The following ELMO1 variants were observed in gnomAD, a reference collection of about 807,000 sequenced individuals.
ELMO1 encodes the protein engulfment and cell motility protein 1.
ELMO1 carries 26 observed loss-of-function variants against 98.9 expected under a neutral mutation model. That is an observed-to-expected ratio of 0.26 (90% CI 0.19 to 0.36). ELMO1 has a LOEUF of 0.36. ELMO1 is among the 10% of genes least tolerant of loss of function. ELMO1 has a pLI of 1.00. For synonymous variants in ELMO1, 346 were observed against 346.0 expected (o/e 1.00, Z 0.00); for missense variants, 627 against 935.2 (o/e 0.67, Z 4.30).
chr7:36,974,168 G>C (rs993222051), intron 16 of ELMO1, among the ~76,000 whole-genome samples: 5 of 152,264 alleles, frequency 3.3e-5, no homozygotes, highest in Admixed American at 6.5e-5. Flanking sequence ...TGCAGCCCCG[G>C]TGTGGTATCC....
At chr7:36,981,398 A>G (rs1175217246) in intron 16 of ELMO1, among the ~76,000 whole-genome samples, 1 of 152,012 alleles carries the variant, frequency 6.6e-6, no homozygotes, top group African/African-American at 2.4e-5. Context: ...GATATAGGAT[A>G]ATATCTGGTA....
At chr7:37,202,886 T>C (rs1792376876) in intron 13 of ELMO1, among the ~76,000 whole-genome samples, 1 of 152,154 alleles carries the variant, frequency 6.6e-6, no homozygotes, top group Admixed American at 6.5e-5. Flanking sequence ...GATGTCTCAG[T>C]GTTTTCCATC....
chr7:37,067,265 G>T (rs960169173), intron 15 of ELMO1, among the ~76,000 whole-genome samples: 1 of 152,192 alleles, frequency 6.6e-6, no homozygotes, highest in East Asian at 1.9e-4. Flanking sequence ...TGGTGCTAAG[G>T]TGCCCCATCA....
At chr7:37,041,453 T>C (rs1313541340) in intron 15 of ELMO1, among the ~76,000 whole-genome samples, 1 of 152,234 alleles carries the variant, frequency 6.6e-6, no homozygotes. Context: ...GTGGTCTATG[T>C]GTGCCAAAGG....
chr7:37,062,887 GGCTAC>G (rs1562976008), intron 15 of ELMO1, among the ~76,000 whole-genome samples: 19 of 152,158 alleles, frequency 1.2e-4, no homozygotes, highest in African/African-American at 4.6e-4. Context: ...GCTCACTGCA[GGCTAC>G]TTTCCAGGAA....
In ELMO1 at chr7:36,861,634, A is replaced by C. The variant is rs1332968065; in HGVS notation, c.1983+25T>G. On this transcript the variant is annotated intron_variant, in intron 21 of 21. Transcript: ENST00000310758. ...TTGAGAAAAGATAACATTATCTCAT[A>C]AATTATCACCCCCGAGACCCTTACC... is the stretch of plus-strand genomic sequence containing the variant. 3.1e-6 allele frequency: 5 copies of C among 1,603,306 alleles called. No individual in the cohort carries two copies. The African/African-American group carries it at 6.7e-5, about 22-fold the overall frequency.
At chr7:37,166,745 G>A (rs1563050415) in intron 13 of ELMO1, among the ~76,000 whole-genome samples, 1 of 152,118 alleles carries the variant, frequency 6.6e-6, no homozygotes, top group Non-Finnish European at 1.5e-5. Flanking sequence ...GATGAGGAGA[G>A]CTTTACTTCC....
At chr7:37,299,817 A>C (rs1798257005) in intron 4 of ELMO1, among the ~76,000 whole-genome samples, 1 of 24,854 alleles carries the variant, frequency 4.0e-5, no homozygotes, top group Non-Finnish European at 1.7e-4. Context: ...AGTCACTGGT[A>C]GCTTGATGGG....
At chr7:37,427,313 A>G (rs1804750501) in intron 1 of ELMO1, among the ~76,000 whole-genome samples, 1 of 152,214 alleles carries the variant, frequency 6.6e-6, no homozygotes, top group South Asian at 2.1e-4. Flanking sequence ...GACTTTTTCA[A>G]ATTCTAAAAC....
intron 14 of ELMO1, among the ~76,000 whole-genome samples, chr7:37,108,564 A>C (rs1785064427): frequency 6.6e-6 from 1 of 152,208 alleles, no homozygotes; most frequent in African/African-American, 2.4e-5. Context: ...AGACTTTCCA[A>C]GTGAGTTTTC....
chr7:36,970,599 G>A (rs1446819497), intron 16 of ELMO1, among the ~76,000 whole-genome samples: 4 of 152,140 alleles, frequency 2.6e-5, no homozygotes, highest in African/African-American at 9.7e-5. Flanking sequence ...CATGTCCCTG[G>A]CACATTACTA....
chr7:37,355,053 G>T (rs1039966937), intron 1 of ELMO1, among the ~76,000 whole-genome samples: 1 of 152,118 alleles, frequency 6.6e-6, no homozygotes, highest in East Asian at 1.9e-4. Flanking sequence ...ATGCAATGCC[G>T]CATAGCCGCC....
intron 6 of ELMO1, among the ~76,000 whole-genome samples, chr7:37,255,174 G>A (rs1004102952): frequency 1.6e-4 from 24 of 152,158 alleles, no homozygotes; most frequent in African/African-American, 5.8e-4. Context: ...GACAGTATTT[G>A]GAGATAAGCC....
chr7:37,077,875 G>C (rs1797667205), intron 15 of ELMO1, among the ~76,000 whole-genome samples: 1 of 152,256 alleles, frequency 6.6e-6, no homozygotes, highest in Admixed American at 6.5e-5. Context: ...ACGAGCAAAG[G>C]GGAATGTACC....
chr7:37,325,275 A>G (rs1236717264), intron 2 of ELMO1, among the ~76,000 whole-genome samples: 1 of 152,176 alleles, frequency 6.6e-6, no homozygotes, highest in Admixed American at 6.5e-5. Flanking sequence ...TATGGCACTT[A>G]CTTTGGTGGC....
At chr7:37,364,529 G>T in intron 1 of ELMO1, among the ~76,000 whole-genome samples, 1 of 151,478 alleles carries the variant, frequency 6.6e-6, no homozygotes, top group East Asian at 1.9e-4. Context: ...TAACACATAG[G>T]AAAATAACTT....
intron 2 of ELMO1, among the ~76,000 whole-genome samples, chr7:37,335,264 A>G (rs1800337242): frequency 1.3e-5 from 2 of 152,224 alleles, no homozygotes; most frequent in African/African-American, 4.8e-5. Context: ...AGTGCTTAGC[A>G]AAGCCAGGAT....
At chr7:37,258,871 G>A (rs4723630) in intron 6 of ELMO1, among the ~76,000 whole-genome samples, 48,099 of 151,506 alleles carry the variant, frequency 0.32, 7,753 homozygotes, top group Middle Eastern at 0.43. Flanking sequence ...TTGTTTTGTC[G>A]AGTTATACTT....
intron 16 of ELMO1, among the ~76,000 whole-genome samples, chr7:36,942,877 C>T (rs1472421992): frequency 6.6e-6 from 1 of 152,096 alleles, no homozygotes; most frequent in Non-Finnish European, 1.5e-5. Flanking sequence ...ATAAGATGCT[C>T]GCAGGAAAGA....
Sources: gnomAD v4.1 joint callset for allele counts (sites outside exome capture counted in the v4.1 genomes callset) on GRCh38, gnomAD v4.1.1 for gene constraint, MANE v1.5 for transcripts, NCBI Gene and HGNC (gene_info 2026-07-23, HGNC 2026-07-21) for gene names.